Variants in LPAR1 observed in about 807,000 individuals in gnomAD.
LPAR1 encodes the protein LPA receptor 1.
Under a neutral mutation model 23.8 loss-of-function variants are expected in LPAR1, and 5 were observed. The observed-to-expected ratio is 0.21, with a 90% CI of 0.11 to 0.44. LPAR1 has a LOEUF of 0.44. Among genes scored for constraint, LPAR1 ranks in the 20% least tolerant of loss-of-function variants. The pLI, the probability that LPAR1 is intolerant of heterozygous loss-of-function variation, is 0.99. For synonymous variants in LPAR1, 160 were observed against 164.7 expected, an observed-to-expected ratio of 0.97 and a Z score of 0.22; for missense variants, 311 against 482.8, an observed-to-expected ratio of 0.64 and a Z score of 3.33.
chr9:110,942,076 G>C lies in LPAR1; in HGVS notation c.138C>G (p.Asn46Lys), dbSNP rs771086016. The change falls in exon 5 of 6, where the codon AAC becomes AAG. Residue 46 changes from asparagine (N) to lysine (K), a missense_variant. Physicochemically the swap from Asn to Lys is moderately conservative, Grantham distance 94. Coordinates refer to ENST00000683809, the MANE Select transcript of LPAR1 (RefSeq NM_001351411.2). ...GTCCCATCACCAGCTTGCTGACTGT[G>C]TTCCATTCTGTGGCAAGATGCTTTC... The part of the protein sequence containing the change: ...RSGKHLATEW[N>K]TVSKLVMGLG... 11 of 1,614,026 alleles carry C rather than the reference G, an allele frequency of 6.8e-6. No individual in the cohort carries two copies. Among genetic ancestry groups the C allele is most frequent in the Non-Finnish European group, 9.3e-6 (11 of 1,180,000 alleles).
chr9:110,985,575 T>A (rs1333603615), intron 2 of LPAR1, among the ~76,000 whole-genome samples: 1 of 152,056 alleles, frequency 6.6e-6, no homozygotes, highest in Admixed American at 6.6e-5. Flanking sequence ...CCAGGTCAGG[T>A]ATTCTAGAAG....
rs2097930452 is a variant in LPAR1 at position 111,038,106 on chromosome 9, C to T, written c.-262+61G>A. Reference sequence around the variant, plus strand: ...GCCGTGTGGCGGGCCGAGCAGTCGCCGCGGCCTCTGGCTTCGCGCCCAGGG... The same window carrying T: ...GCCGTGTGGCGGGCCGAGCAGTCGCTGCGGCCTCTGGCTTCGCGCCCAGGG... On this transcript the variant is annotated intron_variant, in intron 1 of 5. Coordinates refer to ENST00000683809, the MANE Select transcript of LPAR1 (RefSeq NM_001351411.2). The surrounding 1 kb of genome is among the most constrained non-coding windows in gnomAD (Gnocchi z 4.4). 1 of 151,366 alleles carries T rather than the reference C, an allele frequency of 6.6e-6. No individual in the cohort carries two copies. The highest frequency in any genetic ancestry group is 1.5e-5 in the Non-Finnish European group (1 of 67,770). 9.4% of individuals were successfully genotyped at this position (151,366 alleles called of 1,614,324 possible).
intron 5 of LPAR1, among the ~76,000 whole-genome samples, chr9:110,893,705 A>G (rs928764916): frequency 6.6e-6 from 1 of 152,284 alleles, no homozygotes; most frequent in East Asian, 1.9e-4. Context: ...TGATGGAAAA[A>G]AAGTCCTGGA....
intron 5 of LPAR1, among the ~76,000 whole-genome samples, chr9:110,887,491 G>C (rs1306003498): frequency 6.6e-6 from 1 of 152,056 alleles, no homozygotes; most frequent in Admixed American, 6.6e-5. Context: ...AGGAAGCACA[G>C]ATTCTTGGCA....
At chr9:110,908,718 G>C (rs2134231645) in intron 5 of LPAR1, among the ~76,000 whole-genome samples, 1 of 152,244 alleles carries the variant, frequency 6.6e-6, no homozygotes, top group Admixed American at 6.5e-5. Context: ...AGTTGCCCTT[G>C]CTGGAAAGAA....
At chr9:110,907,916 A>AACACACACACACACACAC (rs35043548) in intron 5 of LPAR1, among the ~76,000 whole-genome samples, 5 of 139,712 alleles carry the variant, frequency 3.6e-5, no homozygotes, top group South Asian at 2.3e-4. Flanking sequence ...CCTTTGACAA[A>AACACACACACACACACAC]ACACACACAC....
chr9:111,020,707 G>A (rs958642864), intron 2 of LPAR1, among the ~76,000 whole-genome samples: 1 of 151,912 alleles, frequency 6.6e-6, no homozygotes, highest in Non-Finnish European at 1.5e-5. Flanking sequence ...GTACCTACTT[G>A]GACCTACACA....
At chr9:110,968,034 GTTAA>G (rs2096278920) in intron 4 of LPAR1, among the ~76,000 whole-genome samples, 1 of 152,164 alleles carries the variant, frequency 6.6e-6, no homozygotes, top group African/African-American at 2.4e-5. Flanking sequence ...CCTGGTTAAG[GTTAA>G]TTAATAAACT....
intron 2 of LPAR1, among the ~76,000 whole-genome samples, chr9:110,996,836 C>A (rs760090035): frequency 6.6e-6 from 1 of 152,118 alleles, no homozygotes; most frequent in East Asian, 1.9e-4. Context: ...TTGGTGGTAG[C>A]GATGGAGGTA....
intron 5 of LPAR1, among the ~76,000 whole-genome samples, chr9:110,901,128 T>C (rs1445587364): frequency 6.6e-6 from 1 of 152,222 alleles, no homozygotes; most frequent in Non-Finnish European, 1.5e-5. Flanking sequence ...CTTTTTGAGT[T>C]TGACATATAA....
At chr9:110,956,564 C>A (rs2095760888) in intron 4 of LPAR1, among the ~76,000 whole-genome samples, 1 of 149,678 alleles carries the variant, frequency 6.7e-6, no homozygotes, top group African/African-American at 2.5e-5. Flanking sequence ...CTAGACTAAC[C>A]AAGAAAAAAG....
chr9:111,037,224 A>T (rs903684285), intron 1 of LPAR1, among the ~76,000 whole-genome samples: 2 of 152,200 alleles, frequency 1.3e-5, no homozygotes, highest in African/African-American at 4.8e-5. Flanking sequence ...TGATCATCAC[A>T]TTTTCAATAT....
intron 5 of LPAR1, among the ~76,000 whole-genome samples, chr9:110,913,930 A>G (rs951815851): frequency 1.3e-5 from 2 of 152,200 alleles, no homozygotes; most frequent in Non-Finnish European, 2.9e-5. Flanking sequence ...AAAGCTGGCT[A>G]TTACCAGACT....
At position 110,941,758 on chromosome 9, in the gene LPAR1, G is replaced by A; in HGVS notation, c.456C>T (p.Arg152=). 3.1e-6 allele frequency: 5 copies of A among 1,614,182 alleles called. No individual in the cohort carries two copies. Among genetic ancestry groups the A allele is most frequent in the South Asian group, 2.2e-5 (2 of 91,082 alleles). The change falls in exon 5 of 6, where the codon CGC becomes CGT. Residue 152 remains arginine (R), a synonymous_variant. Coordinates refer to ENST00000683809, the MANE Select transcript of LPAR1 (RefSeq NM_001351411.2). The surrounding 1 kb of genome is among the most constrained non-coding windows in gnomAD (Gnocchi z 6.1). ...TGCTCATCCGTGTGTGGAGCTGCAT[G>A]CGGAAAACCGTAATGTGCCTCTCGA... The part of the protein sequence containing the change: ...IAIERHITVF[R]MQLHTRMSNR...
chr9:111,018,699 G>A (rs184136981), intron 2 of LPAR1, among the ~76,000 whole-genome samples: 237 of 152,168 alleles, frequency 1.6e-3, no homozygotes, highest in African/African-American at 5.4e-3. Flanking sequence ...GCACAAACAG[G>A]TGTTACTTTT....
At chr9:110,973,940 G>C (rs999471915) in intron 2 of LPAR1, among the ~76,000 whole-genome samples, 1 of 152,174 alleles carries the variant, frequency 6.6e-6, no homozygotes, top group African/African-American at 2.4e-5. Context: ...GGAGGCCAGT[G>C]GGGGCAGATC....
chr9:110,966,352 G>A (rs772094856), intron 4 of LPAR1, among the ~76,000 whole-genome samples: 42 of 152,066 alleles, frequency 2.8e-4, no homozygotes, highest in Non-Finnish European at 3.7e-4. Context: ...GGTGGCACAC[G>A]CCTGTAGTCC....
intron 2 of LPAR1, among the ~76,000 whole-genome samples, chr9:111,029,304 A>G (rs1739033482): frequency 6.6e-6 from 1 of 152,158 alleles, no homozygotes; most frequent in Non-Finnish European, 1.5e-5. Flanking sequence ...ATGGTTTTAG[A>G]CATGTCTAAA....
chr9:110,887,228 G>A (rs1235162057), intron 5 of LPAR1, among the ~76,000 whole-genome samples: 1 of 151,626 alleles, frequency 6.6e-6, no homozygotes, highest in Non-Finnish European at 1.5e-5. Flanking sequence ...GAAACGTAAT[G>A]GAAATTTTAT....
Sources: allele counts gnomAD v4.1 joint callset (sites outside exome capture counted in the v4.1 genomes callset), GRCh38; gene constraint gnomAD v4.1.1; non-coding constraint Gnocchi (gnomAD v3.1); transcripts MANE v1.5; gene names NCBI Gene and HGNC (gene_info 2026-07-23, HGNC 2026-07-21).